Variants in VPS53 observed in about 807,000 individuals in gnomAD.
VPS53 encodes vacuolar protein sorting-associated protein 53 homolog.
In VPS53, 70 loss-of-function variants were observed where a neutral mutation model predicts 107.0. That is an observed-to-expected ratio of 0.65 (90% CI 0.54 to 0.80). The LOEUF is 0.80. Ranked by LOEUF, VPS53 falls within the 30% of genes least tolerant of loss-of-function variation. VPS53 has a pLI of 0.00. For synonymous variants in VPS53, 409 were observed against 393.3 expected (o/e 1.04, Z -0.47); for missense variants, 917 against 1,049.4 (o/e 0.87, Z 1.74).
chr17:515,956 C>CTTTTTTTTTTT lies in VPS53; in HGVS notation c.*3161_*3171dup, dbSNP rs11361535. ...ATTACAGGCACCCGCCACCTGCCTG[C>CTTTTTTTTTTT]TTTTTTTTTTTTTTTTTTTGTATTT... On this transcript the variant is annotated 3_prime_UTR_variant, in exon 22 of 22. Transcript: ENST00000437048. 5 of 109,588 alleles carry CTTTTTTTTTTT rather than the reference C, an allele frequency of 4.6e-5. No individual in the cohort carries two copies. Among genetic ancestry groups the CTTTTTTTTTTT allele is most frequent in the African/African-American group, 1.7e-4 (4 of 24,120 alleles). The allele number at this position is 109,588 out of a possible 1,614,324, so 6.8% of individuals were successfully genotyped here. A position where few individuals can be genotyped will look rare whatever the true frequency, so the allele number is the denominator to read the frequency against.
rs549971649 is a variant in VPS53 at position 692,314 on chromosome 17, G to A, written c.285+5104C>T. 1.1e-4 allele frequency among the ~76,000 whole-genome samples: 17 copies of A among 152,164 alleles called. No individual in the cohort carries two copies. In the South Asian group the frequency reaches 3.5e-3, roughly 32 times the overall value. On this transcript the variant is annotated intron_variant, in intron 4 of 21. Coordinates refer to ENST00000437048, the MANE Select transcript of VPS53 (RefSeq NM_001128159.3). ...CTTGTTGAATTGACTCATCCACAAA[G>A]TTTTAAACGTGGGCATTTAATTAAA...
chr17:680,497 G>GA lies in VPS53; in HGVS notation c.285+16920dup, dbSNP rs572856399. ...AAAGGTTAAATATTTTAAAAAGAAG[G>GA]AAAAAAAAACTTAAACAAATCAACA... On this transcript the variant is annotated intron_variant, in intron 4 of 21. Coordinates refer to ENST00000437048, the MANE Select transcript of VPS53 (RefSeq NM_001128159.3). 6.8e-3 allele frequency among the ~76,000 whole-genome samples: 1,020 copies of GA among 150,448 alleles called. 6 individuals are homozygous for GA. Among genetic ancestry groups the GA allele is most frequent in the Non-Finnish European group, 0.011 (733 of 67,550 alleles).
At chr17:538,942 C>T (rs1046791557) in intron 17 of VPS53, 4 of 152,168 alleles carry the variant, frequency 2.6e-5, no homozygotes, top group Non-Finnish European at 4.4e-5. Context: ...TTTGACCCAT[C>T]CAAACAATGA....
At chr17:664,605 A>G (rs185167033) in intron 4 of VPS53, among the ~76,000 whole-genome samples, 6 of 152,258 alleles carry the variant, frequency 3.9e-5, no homozygotes, top group Admixed American at 2.0e-4. Flanking sequence ...TGAAGGGTCT[A>G]AACAAGGGAC....
rs190165371 is a variant in VPS53, at chr17:640,705, T to C, written c.609-9077A>G. ...GGTGGGGCTAGCAGCCCATACTAGA[T>C]GATTCTGTGTCCTCTCCAGTACTGA... On this transcript the variant is annotated intron_variant, in intron 7 of 21. Transcript: ENST00000437048. 1.3e-4 allele frequency among the ~76,000 whole-genome samples: 19 copies of C among 151,748 alleles called. No individual in the cohort carries two copies. In the East Asian group the frequency reaches 3.3e-3, roughly 26 times the overall value.
intron 7 of VPS53, among the ~76,000 whole-genome samples, chr17:648,545 G>T (rs993528980): frequency 1.3e-5 from 2 of 152,026 alleles, no homozygotes; most frequent in Non-Finnish European, 2.9e-5. Flanking sequence ...AGTGAGACTT[G>T]GTCTCAAAAA....
chr17:545,420 T>C (rs1158148193), intron 17 of VPS53, among the ~76,000 whole-genome samples: 2 of 152,194 alleles, frequency 1.3e-5, no homozygotes, highest in Non-Finnish European at 2.9e-5. Context: ...TCAGGTGCCA[T>C]TGAGGAGCAT....
chr17:708,389 C>T (rs1010891231), intron 2 of VPS53, among the ~76,000 whole-genome samples: 2 of 152,196 alleles, frequency 1.3e-5, no homozygotes, highest in African/African-American at 4.8e-5. Flanking sequence ...TTTCTTTGCA[C>T]TTATCAGAAA....
At chr17:606,648 T>C (rs953426422) in intron 11 of VPS53, among the ~76,000 whole-genome samples, 1 of 152,100 alleles carries the variant, frequency 6.6e-6, no homozygotes, top group Non-Finnish European at 1.5e-5. Flanking sequence ...CCACAGTCCA[T>C]GGCCTGTTAG....
chr17:657,516 C>T (rs938448934), intron 5 of VPS53: 61 of 1,486,854 alleles, frequency 4.1e-5, no homozygotes, highest in African/African-American at 3.7e-4. Context: ...AGCTGCTACC[C>T]GCTTCAGATG....
At chr17:547,723 G>A (rs967883284) in intron 17 of VPS53, among the ~76,000 whole-genome samples, 15 of 151,978 alleles carry the variant, frequency 9.9e-5, no homozygotes, top group Non-Finnish European at 2.2e-4. Context: ...CTACAACCTC[G>A]GCCTCCCAGG....
intron 7 of VPS53, among the ~76,000 whole-genome samples, chr17:632,384 G>A (rs990617434): frequency 9.2e-5 from 14 of 151,774 alleles, no homozygotes; most frequent in African/African-American, 2.9e-4. Flanking sequence ...AATTATTATG[G>A]GTATATAATC....
At chr17:557,460 T>A (rs530653819) in intron 15 of VPS53, among the ~76,000 whole-genome samples, 2 of 151,900 alleles carry the variant, frequency 1.3e-5, no homozygotes, top group African/African-American at 4.8e-5. Context: ...TATTTTGGGG[T>A]TGGGGGGACA....
chr17:598,752 C>A (rs922204207), intron 12 of VPS53, among the ~76,000 whole-genome samples: 2 of 127,196 alleles, frequency 1.6e-5, no homozygotes, highest in African/African-American at 2.8e-5. Flanking sequence ...AAGTGAGGAG[C>A]CCCTCCGCCC....
At chr17:599,764 TAA>T (rs66891205) in intron 12 of VPS53, among the ~76,000 whole-genome samples, 42 of 130,186 alleles carry the variant, frequency 3.2e-4, no homozygotes, top group Admixed American at 2.8e-3. Flanking sequence ...ATAAATAAAT[TAA>T]AAAAAAAAAC....
chr17:599,157 G>C (rs1311951351), intron 12 of VPS53, among the ~76,000 whole-genome samples: 1 of 147,420 alleles, frequency 6.8e-6, no homozygotes, highest in African/African-American at 2.5e-5. Context: ...CCGGCCAGCC[G>C]CCCCGCCCGG....
chr17:672,179 C>CTCTCTCTCTA (rs1971990322), intron 4 of VPS53, among the ~76,000 whole-genome samples: 1 of 111,212 alleles, frequency 9.0e-6, no homozygotes, highest in African/African-American at 3.6e-5. Flanking sequence ...ATCTCAATCT[C>CTCTCTCTCTA]TCTCTCTCTC....
intron 17 of VPS53, among the ~76,000 whole-genome samples, chr17:541,509 A>G (rs1211508945): frequency 6.6e-6 from 1 of 152,194 alleles, no homozygotes; most frequent in Non-Finnish European, 1.5e-5. Flanking sequence ...TTTATCAAGC[A>G]CCTACTACGC....
At chr17:662,294 T>C (rs1971466432) in intron 4 of VPS53, among the ~76,000 whole-genome samples, 1 of 152,172 alleles carries the variant, frequency 6.6e-6, no homozygotes, top group African/African-American at 2.4e-5. Flanking sequence ...TTCCAGATTG[T>C]GCATTCAAAA....
Sources: gnomAD v4.1 joint callset for allele counts (sites outside exome capture counted in the v4.1 genomes callset) on GRCh38, gnomAD v4.1.1 for gene constraint, MANE v1.5 for transcripts, NCBI Gene and HGNC (gene_info 2026-07-23, HGNC 2026-07-21) for gene names.